Variants in CDHR2 observed in about 807,000 individuals in gnomAD.
The protein encoded by CDHR2 is cadherin-related family member 2.
A neutral mutation model predicts 138.6 loss-of-function variants in CDHR2; 104 were observed. That is an observed-to-expected ratio of 0.75 (90% CI 0.64 to 0.88). The LOEUF is 0.88. Ranked by LOEUF, CDHR2 falls within the 40% of genes least tolerant of loss-of-function variation. The probability of loss-of-function intolerance (pLI) is 0.00; values close to 1 mark genes in which losing one functional copy is unlikely to be tolerated. For missense variants in CDHR2, 1,624 were observed against 1,727.6 expected, an observed-to-expected ratio of 0.94 and a Z score of 1.06; for synonymous variants, 755 against 742.8, an observed-to-expected ratio of 1.02 and a Z score of -0.27.
intron 1 of CDHR2, among the ~76,000 whole-genome samples, chr5:176,556,269 C>T (rs188055287): frequency 2.0e-5 from 3 of 152,280 alleles, no homozygotes; most frequent in African/African-American, 4.8e-5. Flanking sequence ...TTTAGGAGGC[C>T]GAGATGGGAG....
Position 176,591,398 on chromosome 5 carries a change from C to T in CDHR2, c.3654-6C>T. The T allele has an allele frequency of 1.2e-6, 2 of 1,613,992 alleles. No homozygotes were observed. Among genetic ancestry groups the T allele is most frequent in the Non-Finnish European group, 1.7e-6 (2 of 1,179,930 alleles). ...GCCAGGCAACTTGACCAGGCTTTCT[C>T]TCCAGAGCCAACCCCATGCTGAACC... On this transcript the variant is annotated splice_polypyrimidine_tract_variant and splice_region_variant and intron_variant, in intron 29 of 31. Coordinates refer to ENST00000261944, the MANE Select transcript of CDHR2 (RefSeq NM_017675.6).
chr5:176,550,021 C>T (rs1279901673), intron 1 of CDHR2, among the ~76,000 whole-genome samples: 5 of 152,172 alleles, frequency 3.3e-5, no homozygotes, highest in African/African-American at 4.8e-5. Context: ...CTGCCCAGTC[C>T]GGGCCTTGCA....
At chr5:176,552,705 A>T (rs916621989) in intron 1 of CDHR2, among the ~76,000 whole-genome samples, 1 of 152,192 alleles carries the variant, frequency 6.6e-6, no homozygotes, top group Non-Finnish European at 1.5e-5. Context: ...GATCATGAGG[A>T]GGCAGGACTG....
Position 176,578,600 on chromosome 5 carries a change from A to T in CDHR2, c.1810A>T (p.Thr604Ser). The T allele has an allele frequency of 6.2e-7, 1 of 1,610,934 alleles. No individual in the cohort carries two copies. The highest frequency in any genetic ancestry group is 8.5e-7 in the Non-Finnish European group (1 of 1,179,998). Residue 604 changes from threonine (T) to serine (S), a missense_variant, in exon 16 of 32, where the codon ACC becomes TCC. By Grantham distance (58) the Thr-to-Ser change is moderately conservative. Transcript: ENST00000261944. Reference sequence around the variant, plus strand: ...GGAGGAGGAGGGCAATGTCTCCGTGACCATCCAGGTGTGAGCCTGCCTGGA... The same window carrying T: ...GGAGGAGGAGGGCAATGTCTCCGTGTCCATCCAGGTGTGAGCCTGCCTGGA... Reference protein sequence around the residue: ...VQEEEGNVSVTIQAHDNDEPG... With the variant: ...VQEEEGNVSVSIQAHDNDEPG...
At chr5:176,579,498 C>A (rs572673903) in intron 16 of CDHR2, among the ~76,000 whole-genome samples, 2 of 152,258 alleles carry the variant, frequency 1.3e-5, no homozygotes, top group Admixed American at 6.5e-5. Context: ...CTCCCCTGGT[C>A]TGTGAGCTCC....
intron 1 of CDHR2, among the ~76,000 whole-genome samples, chr5:176,555,769 T>C (rs1003206153): frequency 8.1e-6 from 1 of 123,306 alleles, no homozygotes; most frequent in African/African-American, 2.6e-5. Flanking sequence ...TAGCTAGGTG[T>C]GGTGGCTCAC....
chr5:176,545,892 A>G (rs1300670774), upstream of CDHR2, among the ~76,000 whole-genome samples: 1 of 152,190 alleles, frequency 6.6e-6, no homozygotes, highest in Non-Finnish European at 1.5e-5. Context: ...TGGGCAGGGC[A>G]CCATCTGGCC....
In CDHR2 at chr5:176,568,657, TG is replaced by T. The variant is rs760410069; in HGVS notation, c.125-19del. 6.2e-7 allele frequency: 1 copy of T among 1,612,492 alleles called. No individual in the cohort carries two copies. The highest frequency in any genetic ancestry group is 1.7e-5 in the Admixed American group (1 of 59,850). On this transcript the variant is annotated intron_variant, in intron 3 of 31. Coordinates refer to ENST00000261944, the MANE Select transcript of CDHR2 (RefSeq NM_017675.6). ...TGAAAGGGTGGCTGTGGACCCTGGG[TG>T]GCCCCTGTCCCATCCCCAGGTGCCC...
chr5:176,565,199 A>G (rs1022867660), intron 1 of CDHR2, 139 bp from the exon 2 acceptor site: 2 of 659,546 alleles, frequency 3.0e-6, no homozygotes, highest in African/African-American at 1.8e-5. Context: ...TGGAAAATGG[A>G]CAGAGGGTGA....
At chr5:176,572,731 A>G (rs1049195165) in intron 6 of CDHR2, among the ~76,000 whole-genome samples, 72 of 152,276 alleles carry the variant, frequency 4.7e-4, no homozygotes, top group African/African-American at 1.6e-3. Flanking sequence ...AAGACCTTCC[A>G]GGTGGGGGGC....
In CDHR2 at chr5:176,589,150, C is replaced by T; in HGVS notation, c.2976C>T (p.Ser992=). 6.2e-7 allele frequency: 1 copy of T among 1,614,210 alleles called. No individual in the cohort carries two copies. The highest frequency in any genetic ancestry group is 8.5e-7 in the Non-Finnish European group (1 of 1,180,024). ...AGGGTGTCTTCTCGATCTTCACCTCCTCCGAGGCCGACGTGTTCGCTGGGA... is the reference window on the plus strand; with the variant it reads ...AGGGTGTCTTCTCGATCTTCACCTCTTCCGAGGCCGACGTGTTCGCTGGGA... ...PFQGVFSIFT[S]SEADVFAGSI... is the part of the protein sequence containing the mutation. The change falls in exon 22 of 32, where the codon TCC becomes TCT. Residue 992 remains serine, a synonymous_variant. Coordinates refer to ENST00000261944, the MANE Select transcript of CDHR2 (RefSeq NM_017675.6).
chr5:176,581,241 G>A, intron 16 of CDHR2, 102 bp from the exon 17 acceptor site: 1 of 1,476,982 alleles, frequency 6.8e-7, no homozygotes, highest in Admixed American at 1.9e-5. Flanking sequence ...CCTGATGACT[G>A]CCTGCGTGGG....
chr5:176,586,892 C>G (rs770374642), intron 21 of CDHR2, 50 bp downstream of exon 21: 2 of 1,514,298 alleles, frequency 1.3e-6, no homozygotes, highest in Non-Finnish European at 9.1e-7. Context: ...CCAGGGGACA[C>G]AGGGCTGAGG....
intron 20 of CDHR2, 74 bp from the exon 21 acceptor site, chr5:176,586,718 TG>T: frequency 7.3e-7 from 1 of 1,375,796 alleles, no homozygotes; most frequent in Non-Finnish European, 1.0e-6. Context: ...AGCCCTGAGC[TG>T]GGCTCGTGAC....
rs771978991 is a variant in CDHR2 at position 176,565,394 on chromosome 5, C to T, written c.42C>T (p.Leu14=). 30 of 1,614,070 alleles carry T rather than the reference C, an allele frequency of 1.9e-5. No homozygotes were observed. The highest frequency in any genetic ancestry group is 4.4e-5 in the South Asian group (4 of 91,082). ...LWLSCFLLPA[L]VVSVAANVAP... ...TGTCCTGCTTCCTCCTTCCTGCCCT[C>T]GTGGTGTCTGGTAGGTGTCTCCCCT... is the stretch of plus-strand genomic sequence containing the variant. Residue 14 remains leucine (L), a synonymous_variant, in exon 2 of 32, where the codon CTC becomes CTT. Coordinates refer to ENST00000261944, the MANE Select transcript of CDHR2 (RefSeq NM_017675.6).
At chr5:176,578,300 T>C in intron 15 of CDHR2, 65 bp from the exon 16 acceptor site, 16 of 1,473,210 alleles carry the variant, frequency 1.1e-5, no homozygotes, top group Non-Finnish European at 1.4e-5. Flanking sequence ...TTGTTGTATA[T>C]CTGAAATTCA....
chr5:176,562,701 G>A (rs1464040972), intron 1 of CDHR2, among the ~76,000 whole-genome samples: 1 of 152,108 alleles, frequency 6.6e-6, no homozygotes, highest in African/African-American at 2.4e-5. Context: ...CCATCCCTCC[G>A]GCCAAGACCA....
In CDHR2 at chr5:176,577,514, C is replaced by T. The variant is rs777738616; in HGVS notation, c.1310C>T (p.Ala437Val). ...GTTCAGGTGCTGGTGAGAGTATCCGCGCTGGTGGACTACGAGAGGCAGACG... is the reference window on the plus strand; with the variant it reads ...GTTCAGGTGCTGGTGAGAGTATCCGTGCTGGTGGACTACGAGAGGCAGACG... ...ASVQVLVRVS[A>V]LVDYERQTAM... Residue 437 changes from alanine to valine, a missense_variant, in exon 13 of 32, where the codon GCG (alanine) becomes GTG (valine). Ala to Val is a moderately conservative substitution (Grantham distance 64, BLOSUM62 0). Coordinates refer to ENST00000261944, the MANE Select transcript of CDHR2 (RefSeq NM_017675.6). 79 of 1,613,100 alleles carry T rather than the reference C, an allele frequency of 4.9e-5. No homozygotes were observed. Among genetic ancestry groups the T allele is most frequent in the East Asian group, 6.7e-5 (3 of 44,860 alleles).
chr5:176,570,160 T>C (rs1758189677), intron 5 of CDHR2, among the ~76,000 whole-genome samples: 1 of 152,184 alleles, frequency 6.6e-6, no homozygotes, highest in African/African-American at 2.4e-5. Context: ...CCTTGCCCAC[T>C]CAGCGATTGA....
Sources: gnomAD v4.1 joint callset for allele counts (sites outside exome capture counted in the v4.1 genomes callset) on GRCh38, gnomAD v4.1.1 for gene constraint, MANE v1.5 for transcripts, NCBI Gene and HGNC (gene_info 2026-07-23, HGNC 2026-07-21) for gene names.